The following SERTAD4 variants were observed in gnomAD, a reference collection of about 807,000 sequenced individuals.
SERTAD4 encodes SERTA domain containing 4.
Under a neutral mutation model 32.9 loss-of-function variants are expected in SERTAD4, and 18 were observed. The observed-to-expected ratio is 0.55, with a 90% CI of 0.38 to 0.81. The LOEUF (loss-of-function observed/expected upper bound fraction) is 0.81. Among genes scored for constraint, SERTAD4 ranks in the 30% least tolerant of loss-of-function variants. The probability of loss-of-function intolerance (pLI) is 0.00; values close to 1 mark genes in which losing one functional copy is unlikely to be tolerated. For missense variants in SERTAD4, 383 were observed against 426.0 expected (o/e 0.90, Z 0.89); for synonymous variants, 150 against 156.4 (o/e 0.96, Z 0.30).
intron 3 of SERTAD4, among the ~76,000 whole-genome samples, chr1:210,241,246 G>A (rs1471748347): frequency 6.6e-6 from 1 of 152,000 alleles, no homozygotes; most frequent in African/African-American, 2.4e-5. Flanking sequence ...TTCCTTATTG[G>A]GCCATAATAG....
chr1:210,240,213 A>G (rs979630342), intron 3 of SERTAD4, among the ~76,000 whole-genome samples: 2 of 152,136 alleles, frequency 1.3e-5, no homozygotes, highest in African/African-American at 4.8e-5. Context: ...GGGAAATTGC[A>G]TAGAATTATG....
Position 210,242,116 on chromosome 1 carries a change from G to A in SERTAD4, c.850G>A (p.Glu284Lys). The change falls in exon 4 of 4, where the codon GAG becomes AAG. Residue 284 changes from glutamate to lysine, a missense_variant. By Grantham distance (56) the Glu-to-Lys change is moderately conservative. Transcript: ENST00000367012. The surrounding 1 kb of genome is among the most constrained non-coding windows in gnomAD (Gnocchi z 4.0). ...GVQEKAKLND[E>K]KANDDTNRDG... ...TCAGGAAAAGGCCAAATTAAATGAT[G>A]AGAAAGCAAATGATGACACCAACAG... 1 of 1,614,214 alleles carries A rather than the reference G, an allele frequency of 6.2e-7. No individual in the cohort carries two copies. Among genetic ancestry groups the A allele is most frequent in the Non-Finnish European group, 8.5e-7 (1 of 1,180,040 alleles).
At position 210,242,390 on chromosome 1, in the gene SERTAD4, G is replaced by A. The variant is rs551335138; in HGVS notation, c.*53G>A. The A allele has an allele frequency of 3.2e-5, 49 of 1,515,596 alleles. 1 individual carries two copies. The highest frequency in any genetic ancestry group is 5.5e-5 in the South Asian group (4 of 72,930). The allele number at this position is 1,515,596 out of a possible 1,614,324, so 93.9% of individuals were successfully genotyped here. A position where few individuals can be genotyped will look rare whatever the true frequency, so the allele number is the denominator to read the frequency against. The stretch of plus-strand genomic sequence containing the variant: ...TGCACAGCATGATCAGTTAGCTCTC[G>A]TAAATTTTATTTTGAATGGATTTTG... On this transcript the variant is annotated 3_prime_UTR_variant, in exon 4 of 4. Coordinates refer to ENST00000367012, the MANE Select transcript of SERTAD4 (RefSeq NM_019605.5). The surrounding 1 kb of genome is among the most constrained non-coding windows in gnomAD (Gnocchi z 4.0).
rs1283704932 is a variant in SERTAD4, at chr1:210,246,080, T to C, written c.*3743T>C. 4.5e-6 allele frequency: 1 copy of C among 221,894 alleles called. No individual in the cohort carries two copies. The highest frequency in any genetic ancestry group is 2.3e-5 in the African/African-American group (1 of 42,656). The allele number at this position is 221,894 out of a possible 1,614,324, so 13.7% of individuals were successfully genotyped here. ...CAGAGACAAGCATTCAGCATGGCAT[T>C]AGTAATGATGGTTTAAACTAGGTGC... is the stretch of plus-strand genomic sequence containing the variant. On this transcript the variant is annotated 3_prime_UTR_variant, in exon 4 of 4. Transcript: ENST00000367012.
chr1:210,233,834 C>T (rs1290803079), intron 1 of SERTAD4: 1 of 469,068 alleles, frequency 2.1e-6, no homozygotes, highest in East Asian at 7.0e-5. Context: ...CGGGTTTGGC[C>T]GGCAAGGGAG....
At chr1:210,237,909 T>G in intron 1 of SERTAD4, 35 bp from the exon 2 acceptor site, 1 of 1,557,364 alleles carries the variant, frequency 6.4e-7, no homozygotes, top group Non-Finnish European at 8.7e-7. Context: ...TAGGGCTGTT[T>G]TCTTCATTCT....
At chr1:210,237,118 A>G (rs2083948056) in intron 1 of SERTAD4, among the ~76,000 whole-genome samples, 2 of 152,166 alleles carry the variant, frequency 1.3e-5, no homozygotes, top group African/African-American at 4.8e-5. Flanking sequence ...TGGGCTTTGC[A>G]GTGTAAAGAG....
Position 210,241,982 on chromosome 1 carries a change from G to C in SERTAD4, c.716G>C (p.Ser239Thr). Reference protein sequence around the residue: ...SSSSPPLPLPSCSRQVDFDVG... With the variant: ...SSSSPPLPLPTCSRQVDFDVG... Reference sequence around the variant, plus strand: ...TCCTCTCCCCCTTTGCCTTTACCGAGTTGTTCCCGCCAGGTGGATTTTGAT... The same window carrying C: ...TCCTCTCCCCCTTTGCCTTTACCGACTTGTTCCCGCCAGGTGGATTTTGAT... The change falls in exon 4 of 4, where the codon AGT becomes ACT. Residue 239 changes from serine (S) to threonine (T), a missense_variant. Ser to Thr is a moderately conservative substitution (Grantham distance 58). Around this residue, in one of 3 missense-constraint regions of SERTAD4, gnomAD observed 180 missense variants for 190.6 expected, o/e 0.94. Coordinates refer to ENST00000367012, the MANE Select transcript of SERTAD4 (RefSeq NM_019605.5). 6.2e-7 allele frequency: 1 copy of C among 1,613,936 alleles called. No individual in the cohort carries two copies. Among genetic ancestry groups the C allele is most frequent in the Non-Finnish European group, 8.5e-7 (1 of 1,179,954 alleles).
intron 1 of SERTAD4, among the ~76,000 whole-genome samples, chr1:210,235,424 G>A (rs983601670): frequency 2.6e-5 from 4 of 152,108 alleles, no homozygotes; most frequent in African/African-American, 4.8e-5. Flanking sequence ...TCTCCTCCCC[G>A]CTCCCAAATA....
downstream of SERTAD4, chr1:210,246,599 C>A: frequency 4.1e-6 from 4 of 985,398 alleles, no homozygotes; most frequent in Non-Finnish European, 4.8e-6. Flanking sequence ...AGAACGATGA[C>A]TAAACGAAGG....
rs1245624784 is a variant in SERTAD4, at chr1:210,242,504, C to G, written c.*167C>G. On this transcript the variant is annotated 3_prime_UTR_variant, in exon 4 of 4. Transcript: ENST00000367012. The surrounding 1 kb of genome is among the most constrained non-coding windows in gnomAD (Gnocchi z 4.0). ...CAGATTGCGTAAAACATCTGTATAG[C>G]AGGCATCAGCGAGCTTCTTATAAAT... is the stretch of plus-strand genomic sequence containing the variant. 11 of 1,369,020 alleles carry G rather than the reference C, an allele frequency of 8.0e-6. No homozygotes were observed. The highest frequency in any genetic ancestry group is 4.1e-5 in the South Asian group (2 of 48,686). The allele number at this position is 1,369,020 out of a possible 1,614,324, so 84.8% of individuals were successfully genotyped here.
intron 2 of SERTAD4, 141 bp downstream of exon 2, chr1:210,238,276 CCT>C: frequency 1.7e-6 from 1 of 605,326 alleles, no homozygotes; most frequent in African/African-American, 1.9e-5. Context: ...TGCCTGTGCG[CCT>C]CTCATAAGTG....
chr1:210,233,806 G>A (rs1164618003), intron 1 of SERTAD4: 2 of 470,076 alleles, frequency 4.3e-6, no homozygotes, highest in East Asian at 7.0e-5. Context: ...GGGCGCTCCC[G>A]CAACCGCGGG....
rs908736961 is a variant in SERTAD4 at position 210,246,026 on chromosome 1, A to G, written c.*3689A>G. The G allele has an allele frequency of 2.8e-5, 19 of 684,238 alleles. No homozygotes were observed. Among genetic ancestry groups the G allele is most frequent in the Non-Finnish European group, 3.4e-5 (19 of 554,858 alleles). The allele number at this position is 684,238 out of a possible 1,614,324, so 42.4% of individuals were successfully genotyped here. Reference sequence around the variant, plus strand: ...TATTTCATTTGTAGTTAAGGTTATCACATCCCTGCCAATTTTACTAGATTT... The same window carrying G: ...TATTTCATTTGTAGTTAAGGTTATCGCATCCCTGCCAATTTTACTAGATTT... On this transcript the variant is annotated 3_prime_UTR_variant, in exon 4 of 4. Coordinates refer to ENST00000367012, the MANE Select transcript of SERTAD4 (RefSeq NM_019605.5).
At chr1:210,233,994 T>TAA (rs1269438559) in intron 1 of SERTAD4, 38,587 of 333,672 alleles carry the variant, frequency 0.12, 1,548 homozygotes, top group East Asian at 0.29. Flanking sequence ...GTTTTTTTTT[T>TAA]AAAAAAAAAA....
intron 1 of SERTAD4, among the ~76,000 whole-genome samples, chr1:210,234,291 C>G (rs567258069): frequency 5.9e-5 from 9 of 152,130 alleles, no homozygotes; most frequent in African/African-American, 2.2e-4. Flanking sequence ...CCCCCGCAAC[C>G]GCCACACACA....
chr1:210,240,746 C>T (rs1297572714), intron 3 of SERTAD4, among the ~76,000 whole-genome samples: 6 of 152,176 alleles, frequency 3.9e-5, no homozygotes, highest in Admixed American at 1.3e-4. Flanking sequence ...CCACTCAGCT[C>T]CACAAGGAAG....
chr1:210,242,238 A>T lies in SERTAD4; in HGVS notation c.972A>T (p.Glu324Asp), dbSNP rs753449526. ...ATTATTTTGAGACCGGATATAATGA[A>T]AGAAACAATGTAAATGAATCTTGGA... Reference protein sequence around the residue: ...FYDYFETGYNERNNVNESWKK... With the variant: ...FYDYFETGYNDRNNVNESWKK... Residue 324 changes from glutamate to aspartate, a missense_variant, in exon 4 of 4, where the codon GAA becomes GAT. Coordinates refer to ENST00000367012, the MANE Select transcript of SERTAD4 (RefSeq NM_019605.5). The surrounding 1 kb of genome is among the most constrained non-coding windows in gnomAD (Gnocchi z 4.0). The T allele has an allele frequency of 2.5e-6, 4 of 1,614,034 alleles. No individual in the cohort carries two copies. The Admixed American group carries it at 6.7e-5, about 27-fold the overall frequency.
At chr1:210,236,920 C>A (rs958389142) in intron 1 of SERTAD4, among the ~76,000 whole-genome samples, 1 of 152,204 alleles carries the variant, frequency 6.6e-6, no homozygotes, top group Non-Finnish European at 1.5e-5. Flanking sequence ...TACCTCGAGA[C>A]CTGCAAAGGG....
Sources: allele counts gnomAD v4.1 joint callset (sites outside exome capture counted in the v4.1 genomes callset), GRCh38; gene constraint gnomAD v4.1.1; regional missense constraint gnomAD v4.1.1; non-coding constraint Gnocchi (gnomAD v3.1); transcripts MANE v1.5; gene names NCBI Gene and HGNC (gene_info 2026-07-23, HGNC 2026-07-21).